CAMTA1: variants seen among roughly 807,000 people sequenced by gnomAD.
CAMTA1 encodes calmodulin binding transcription activator 1.
Under a neutral mutation model 170.9 loss-of-function variants are expected in CAMTA1, and 27 were observed. That is an observed-to-expected ratio of 0.16 (90% CI 0.12 to 0.22). The LOEUF (loss-of-function observed/expected upper bound fraction) is 0.22. CAMTA1 is among the 10% of genes least tolerant of loss of function. The pLI, the probability that CAMTA1 is intolerant of heterozygous loss-of-function variation, is 1.00. For missense variants in CAMTA1, 1,619 were observed against 2,217.2 expected (o/e 0.73, Z 5.42); for synonymous variants, 833 against 891.5 (o/e 0.93, Z 1.17).
At chr1:7,188,757 CCTGCT>C (rs1276399585) in intron 4 of CAMTA1, among the ~76,000 whole-genome samples, 1 of 152,146 alleles carries the variant, frequency 6.6e-6, no homozygotes, top group East Asian at 1.9e-4. Context: ...TGTGAACAAT[CCTGCT>C]ATGAACATAG....
At chr1:7,026,084 C>T (rs1346983663) in intron 3 of CAMTA1, among the ~76,000 whole-genome samples, 1 of 150,956 alleles carries the variant, frequency 6.6e-6, no homozygotes. Context: ...TGTACCACTG[C>T]ACTCAAACCT....
chr1:7,526,711 C>A (rs1725226), intron 6 of CAMTA1, among the ~76,000 whole-genome samples: 41,253 of 152,120 alleles, frequency 0.27, 5,912 homozygotes, highest in Non-Finnish European at 0.32. Flanking sequence ...AGAACACCAG[C>A]CTGCGTTCTA....
intron 6 of CAMTA1, among the ~76,000 whole-genome samples, chr1:7,638,367 G>T (rs983037839): frequency 6.6e-6 from 1 of 152,198 alleles, no homozygotes. Flanking sequence ...CAGGCCAGGC[G>T]CAGTGGCTCA....
chr1:7,104,496 A>T (rs776177482), intron 4 of CAMTA1, among the ~76,000 whole-genome samples: 5 of 152,158 alleles, frequency 3.3e-5, no homozygotes, highest in African/African-American at 4.8e-5. Flanking sequence ...GTGGAGTCTG[A>T]CCTTCTGAGT....
chr1:7,623,472 C>A (rs2095612549), intron 6 of CAMTA1, among the ~76,000 whole-genome samples: 1 of 152,146 alleles, frequency 6.6e-6, no homozygotes, highest in Admixed American at 6.6e-5. Context: ...CCCATCAGCT[C>A]CACACACTGA....
chr1:6,905,089 C>T (rs1678095076), intron 3 of CAMTA1, among the ~76,000 whole-genome samples: 1 of 151,928 alleles, frequency 6.6e-6, no homozygotes, highest in South Asian at 2.1e-4. Context: ...TAAATTCTGC[C>T]TGTGAACTTC....
intron 5 of CAMTA1, among the ~76,000 whole-genome samples, chr1:7,265,781 C>G (rs1668831458): frequency 6.6e-6 from 1 of 152,218 alleles, no homozygotes; most frequent in Non-Finnish European, 1.5e-5. Flanking sequence ...CTGGACAGCC[C>G]TGGGCCTGCC....
chr1:7,477,884 C>T (rs945528060), intron 6 of CAMTA1, among the ~76,000 whole-genome samples: 2 of 152,286 alleles, frequency 1.3e-5, no homozygotes, highest in South Asian at 2.1e-4. Context: ...GGGGAGACCT[C>T]GGGGCATCAG....
intron 4 of CAMTA1, among the ~76,000 whole-genome samples, chr1:7,247,068 G>T (rs1054866612): frequency 6.6e-6 from 1 of 152,212 alleles, no homozygotes; most frequent in South Asian, 2.1e-4. Flanking sequence ...TGTGGTAAGG[G>T]CCTTCCCCAT....
intron 3 of CAMTA1, among the ~76,000 whole-genome samples, chr1:6,951,656 T>A (rs572154856): frequency 1.3e-5 from 2 of 152,218 alleles, no homozygotes; most frequent in African/African-American, 4.8e-5. Context: ...GGTGGGAGGC[T>A]CTAGGGGGAC....
intron 6 of CAMTA1, among the ~76,000 whole-genome samples, chr1:7,639,318 C>T (rs2095741967): frequency 1.3e-5 from 2 of 152,182 alleles, no homozygotes; most frequent in African/African-American, 4.8e-5. Context: ...AGAGATCTTT[C>T]CCAGAATACC....
At chr1:7,106,273 A>AG (rs1643578553) in intron 4 of CAMTA1, among the ~76,000 whole-genome samples, 1 of 151,692 alleles carries the variant, frequency 6.6e-6, no homozygotes, top group African/African-American at 2.4e-5. Context: ...AGAGAGAGAG[A>AG]AAGAAAGAAG....
At chr1:6,823,783 G>A (rs779142) in intron 2 of CAMTA1, among the ~76,000 whole-genome samples, 107,561 of 152,046 alleles carry the variant, frequency 0.71, 38,636 homozygotes, top group East Asian at 0.94. Context: ...GAACAAAGCC[G>A]TAGTAAATAA....
chr1:6,818,264 G>A (rs1646065429), intron 1 of CAMTA1, among the ~76,000 whole-genome samples: 1 of 152,196 alleles, frequency 6.6e-6, no homozygotes. Flanking sequence ...TTGAACCTGG[G>A]AGGCAGAGGT....
chr1:6,862,797 T>C (rs1665232657), intron 3 of CAMTA1, among the ~76,000 whole-genome samples: 1 of 152,234 alleles, frequency 6.6e-6, no homozygotes, highest in Non-Finnish European at 1.5e-5. Flanking sequence ...GCCTTCTGTC[T>C]GTGACCATTA....
In CAMTA1 at chr1:7,677,661, G is replaced by A; in HGVS notation, c.2842G>A (p.Val948Met). The change falls in exon 11 of 23, where the codon GTG becomes ATG. Residue 948 changes from valine (V) to methionine (M), a missense_variant. By Grantham distance (21) the Val-to-Met change is conservative (BLOSUM62 1). Coordinates refer to ENST00000303635, the MANE Select transcript of CAMTA1 (RefSeq NM_015215.4). ...CAACAACCAGATCATCTCCAACTCG[G>A]TGGTGTTTGAGTACAAAGCCCGGGC... ...AFNNQIISNS[V>M]VFEYKARALP... The A allele has an allele frequency of 6.2e-7, 1 of 1,614,136 alleles. No homozygotes were observed. Among genetic ancestry groups the A allele is most frequent in the Non-Finnish European group, 8.5e-7 (1 of 1,180,004 alleles).
intron 3 of CAMTA1, among the ~76,000 whole-genome samples, chr1:6,960,290 G>C (rs1383978484): frequency 1.3e-5 from 2 of 152,202 alleles, no homozygotes; most frequent in Admixed American, 6.5e-5. Context: ...CGTGAGTGGA[G>C]GGGGCCAGAT....
At chr1:7,491,919 G>A (rs551108651) in intron 6 of CAMTA1, among the ~76,000 whole-genome samples, 23 of 152,158 alleles carry the variant, frequency 1.5e-4, no homozygotes, top group Non-Finnish European at 3.2e-4. Context: ...GACCCATGCT[G>A]CTGCCGAATC....
At chr1:7,613,711 G>A (rs113662463) in intron 6 of CAMTA1, among the ~76,000 whole-genome samples, 132 of 151,828 alleles carry the variant, frequency 8.7e-4, no homozygotes, top group African/African-American at 3.0e-3. Context: ...CTCAGCCTGA[G>A]GAGAGCGATG....
Sources: gnomAD v4.1 joint callset for allele counts (sites outside exome capture counted in the v4.1 genomes callset) on GRCh38, gnomAD v4.1.1 for gene constraint, MANE v1.5 for transcripts, NCBI Gene and HGNC (gene_info 2026-07-23, HGNC 2026-07-21) for gene names.